Variants in SLC7A2 observed in about 807,000 individuals in gnomAD.
SLC7A2 encodes the protein solute carrier family 7 member 2, also known as cationic amino acid transporter 2.
SLC7A2 carries 48 observed loss-of-function variants against 58.9 expected under a neutral mutation model. That is an observed-to-expected ratio of 0.82 (90% CI 0.65 to 1.04). SLC7A2 has a LOEUF of 1.04. Among genes scored for constraint, SLC7A2 ranks in the 50% least tolerant of loss-of-function variants. SLC7A2 has a pLI of 0.00. For synonymous variants in SLC7A2, 363 were observed against 314.5 expected (o/e 1.15, Z -1.63); for missense variants, 1,029 against 818.8 (o/e 1.26, Z -3.13).
chr8:17,563,609 T>C lies in SLC7A2; in HGVS notation c.1678T>C (p.Phe560Leu). The C allele has an allele frequency of 6.2e-7, 1 of 1,604,072 alleles. No homozygotes were observed. The highest frequency in any genetic ancestry group is 8.5e-7 in the Non-Finnish European group (1 of 1,171,626). ...GGATTGTTTTCCCCCTCAGGTTCCA[T>C]TCTTACCATTTTTGCCAGCGTTCAG... ...NQQKVAFMVP[F>L]LPFLPAFSIL... Residue 560 changes from phenylalanine to leucine, a missense_variant, in exon 12 of 13, where the codon TTC (phenylalanine) becomes CTC (leucine). Physicochemically the swap from Phe to Leu is conservative, Grantham distance 22 (BLOSUM62 0). Coordinates refer to ENST00000494857, the MANE Select transcript of SLC7A2 (RefSeq NM_001370338.1).
chr8:17,545,629 C>G (rs1802134803), intron 4 of SLC7A2, among the ~76,000 whole-genome samples: 1 of 151,848 alleles, frequency 6.6e-6, no homozygotes, highest in Non-Finnish European at 1.5e-5. Context: ...AACTCCTGAC[C>G]TCAAGTGATC....
At chr8:17,557,159 C>T (rs948125082) in intron 8 of SLC7A2, among the ~76,000 whole-genome samples, 1 of 152,166 alleles carries the variant, frequency 6.6e-6, no homozygotes, top group African/African-American at 2.4e-5. Context: ...CTCATAGGAT[C>T]ATTGACTCAA....
rs1248946229 is a variant in SLC7A2, at chr8:17,497,244, T to C, written c.-69+7T>C. ...CGACCCCAACCCAGCCCCAGTAAGTTGCTAGGTCTCCAGCCCCGCCGAGAG... is the reference window on the plus strand; with the variant it reads ...CGACCCCAACCCAGCCCCAGTAAGTCGCTAGGTCTCCAGCCCCGCCGAGAG... On this transcript the variant is annotated splice_region_variant and intron_variant, in intron 1 of 12. Transcript: ENST00000494857. The C allele has an allele frequency of 6.6e-6, 1 of 151,760 alleles. No homozygotes were observed. The highest frequency in any genetic ancestry group is 1.5e-5 in the Non-Finnish European group (1 of 67,890). The allele number at this position is 151,760 out of a possible 1,614,324, so 9.4% of individuals were successfully genotyped here.
At chr8:17,557,182 A>G (rs1044786438) in intron 8 of SLC7A2, among the ~76,000 whole-genome samples, 3 of 152,228 alleles carry the variant, frequency 2.0e-5, no homozygotes, top group Non-Finnish European at 4.4e-5. Flanking sequence ...GTAAAATGAG[A>G]TCACAGAGAT....
chr8:17,512,225 T>C (rs1315247435), intron 2 of SLC7A2, among the ~76,000 whole-genome samples: 1 of 151,992 alleles, frequency 6.6e-6, no homozygotes, highest in Non-Finnish European at 1.5e-5. Flanking sequence ...TTCAAGGCCC[T>C]GGAGACACAC....
rs1189496939 is a variant in SLC7A2, at chr8:17,497,112, G to A, written c.-194G>A. 6.6e-6 allele frequency: 1 copy of A among 151,404 alleles called. No homozygotes were observed. The highest frequency in any genetic ancestry group is 2.4e-5 in the African/African-American group (1 of 41,372). 9.4% of individuals were successfully genotyped at this position (151,404 alleles called of 1,614,324 possible). A position where few individuals can be genotyped will look rare whatever the true frequency, so the allele number is the denominator to read the frequency against. ...CCTCCTTCTGCAGCGCGGCCGGCGG[G>A]CGCTCCTCTTCGCGGGACCAGCGAG... is the stretch of plus-strand genomic sequence containing the variant. On this transcript the variant is annotated 5_prime_UTR_variant, in exon 1 of 13. Coordinates refer to ENST00000494857, the MANE Select transcript of SLC7A2 (RefSeq NM_001370338.1).
intron 2 of SLC7A2, among the ~76,000 whole-genome samples, chr8:17,537,986 A>C (rs961305154): frequency 6.6e-6 from 1 of 152,142 alleles, no homozygotes; most frequent in East Asian, 1.9e-4. Context: ...CCTTATTCCC[A>C]CTGTGATGTT....
intron 10 of SLC7A2, among the ~76,000 whole-genome samples, chr8:17,561,443 C>T (rs769780365): frequency 3.3e-5 from 5 of 152,096 alleles, no homozygotes; most frequent in South Asian, 2.1e-4. Flanking sequence ...TGGGGGAAAC[C>T]GCTTACTGTT....
At chr8:17,497,621 C>T (rs1339492957) in intron 1 of SLC7A2, among the ~76,000 whole-genome samples, 2 of 152,204 alleles carry the variant, frequency 1.3e-5, no homozygotes, top group Non-Finnish European at 1.5e-5. Flanking sequence ...CAGAGGAGCT[C>T]GGCGCACCCC....
chr8:17,530,718 A>G (rs1269093246), intron 2 of SLC7A2, among the ~76,000 whole-genome samples: 1 of 151,752 alleles, frequency 6.6e-6, no homozygotes, highest in Non-Finnish European at 1.5e-5. Flanking sequence ...GACTACAGGG[A>G]CGTGCCACCA....
At chr8:17,542,161 C>T (rs1801940314) in intron 2 of SLC7A2, among the ~76,000 whole-genome samples, 1 of 152,126 alleles carries the variant, frequency 6.6e-6, no homozygotes, top group African/African-American at 2.4e-5. Context: ...CTAAAAAGTT[C>T]ACATCTGCTT....
intron 4 of SLC7A2, among the ~76,000 whole-genome samples, chr8:17,545,645 G>T (rs1448540733): frequency 6.6e-6 from 1 of 151,810 alleles, no homozygotes; most frequent in Non-Finnish European, 1.5e-5. Flanking sequence ...TGATCCCCCT[G>T]CCTCAGCCTC....
At chr8:17,534,387 G>A (rs1053359447) in intron 2 of SLC7A2, among the ~76,000 whole-genome samples, 8 of 152,198 alleles carry the variant, frequency 5.3e-5, no homozygotes, top group Non-Finnish European at 7.4e-5. Flanking sequence ...TGAGCAGTTC[G>A]GACCCCTGTC....
At chr8:17,503,320 G>A (rs982930379) in intron 2 of SLC7A2, among the ~76,000 whole-genome samples, 2 of 152,092 alleles carry the variant, frequency 1.3e-5, no homozygotes, top group Non-Finnish European at 2.9e-5. Flanking sequence ...AAAGTGCTGG[G>A]ATTACAGGTG....
chr8:17,514,134 C>G (rs910697872), intron 2 of SLC7A2, among the ~76,000 whole-genome samples: 19 of 152,036 alleles, frequency 1.2e-4, no homozygotes, highest in Non-Finnish European at 1.8e-4. Flanking sequence ...CTTCCTTGAC[C>G]CCACAGAGTC....
chr8:17,514,708 C>T (rs1013991043), intron 2 of SLC7A2, among the ~76,000 whole-genome samples: 10 of 152,114 alleles, frequency 6.6e-5, no homozygotes, highest in Admixed American at 2.0e-4. Flanking sequence ...AAGATGATGT[C>T]TTATAGAAAT....
At chr8:17,495,461 A>G (rs552122986), upstream of SLC7A2, among the ~76,000 whole-genome samples, 1 of 152,320 alleles carries the variant, frequency 6.6e-6, no homozygotes, top group Non-Finnish European at 1.5e-5. Flanking sequence ...AAATAAGTTT[A>G]CTTTGACAGT....
In SLC7A2 at chr8:17,543,657, T is replaced by G. The variant is rs1417696586; in HGVS notation, c.318T>G (p.Thr106=). 1 of 1,545,928 alleles carries G rather than the reference T, an allele frequency of 6.5e-7. No individual in the cohort carries two copies. The highest frequency in any genetic ancestry group is 2.3e-5 in the East Asian group (1 of 44,336). Residue 106 remains threonine (T), a synonymous_variant, in exon 3 of 13, where the codon ACT becomes ACG. Transcript: ENST00000494857. ...CTGCATATTTGTACACCTACGTGAC[T>G]GTCGGAGAGCTGTGGGCCTTCATCA... is the stretch of plus-strand genomic sequence containing the variant. ...TGSAYLYTYV[T]VGELWAFITG...
chr8:17,501,005 A>G (rs1444621157), intron 1 of SLC7A2, among the ~76,000 whole-genome samples: 1 of 104,970 alleles, frequency 9.5e-6, no homozygotes, highest in Non-Finnish European at 1.8e-5. Flanking sequence ...TCACATTCTT[A>G]TCGACTTTTT....
Sources: allele counts gnomAD v4.1 joint callset (sites outside exome capture counted in the v4.1 genomes callset), GRCh38; gene constraint gnomAD v4.1.1; transcripts MANE v1.5; gene names NCBI Gene and HGNC (gene_info 2026-07-23, HGNC 2026-07-21).